The following RORA variants were observed in gnomAD, a reference collection of about 807,000 sequenced individuals.
RORA encodes the protein nuclear receptor ROR-alpha.
Under a neutral mutation model 69.5 loss-of-function variants are expected in RORA, and 7 were observed. That is an observed-to-expected ratio of 0.10 (90% confidence interval 0.06 to 0.19). The LOEUF (loss-of-function observed/expected upper bound fraction) is 0.19. RORA is among the 10% of genes least tolerant of loss of function. The pLI is 1.00. For missense variants in RORA, 457 were observed against 663.0 expected (o/e 0.69, Z 3.41); for synonymous variants, 261 against 240.8 (o/e 1.08, Z -0.78).
At chr15:60,818,955 T>C (rs560106619) in intron 1 of RORA, among the ~76,000 whole-genome samples, 5 of 152,324 alleles carry the variant, frequency 3.3e-5, no homozygotes, top group Middle Eastern at 3.4e-3. Context: ...AAGAGGCATG[T>C]TGAAGAACAA....
intron 1 of RORA, among the ~76,000 whole-genome samples, chr15:60,994,657 G>A (rs1434907613): frequency 2.0e-5 from 3 of 152,172 alleles, no homozygotes; most frequent in East Asian, 1.9e-4. Context: ...CAGGAATAGC[G>A]GAATGCAAAA....
chr15:61,128,592 T>C lies in RORA; in HGVS notation c.166+100461A>G, dbSNP rs1454981238. ...GAAATCCTGGGGTGTGCAATCGATG[T>C]TGTCACATATATTCCCATGGTTTTT... is the stretch of plus-strand genomic sequence containing the variant. On this transcript the variant is annotated intron_variant, in intron 1 of 10. Transcript: ENST00000335670. The surrounding 1 kb of genome is among the most constrained non-coding windows in gnomAD (Gnocchi z 4.5). Among the ~76,000 whole-genome samples the C allele has an allele frequency of 6.6e-6, 1 of 152,226 alleles. No homozygotes were observed. The highest frequency in any genetic ancestry group is 1.5e-5 in the Non-Finnish European group (1 of 68,042).
At position 61,151,620 on chromosome 15, in the gene RORA, T is replaced by C. The variant is rs187701767; in HGVS notation, c.166+77433A>G. Among the ~76,000 whole-genome samples the C allele has an allele frequency of 5.7e-4, 87 of 152,338 alleles. No individual in the cohort carries two copies. In the East Asian group the frequency reaches 0.013, roughly 23 times the overall value. The stretch of plus-strand genomic sequence containing the variant: ...ATGTTAAATCCCACAGGATAAGAAC[T>C]GCACACCTCTGATTTTGCTACTATT... On this transcript the variant is annotated intron_variant, in intron 1 of 10. Transcript: ENST00000335670.
intron 1 of RORA, among the ~76,000 whole-genome samples, chr15:60,777,225 T>C (rs1479927190): frequency 1.3e-5 from 2 of 152,156 alleles, no homozygotes; most frequent in African/African-American, 4.8e-5. Context: ...ATATTCCAAT[T>C]AGTTAAGTGA....
intron 1 of RORA, among the ~76,000 whole-genome samples, chr15:61,098,857 C>T (rs1449189411): frequency 1.3e-5 from 2 of 152,140 alleles, no homozygotes; most frequent in Non-Finnish European, 2.9e-5. Flanking sequence ...TAGGAGCAAT[C>T]GTTATTTTAA....
chr15:61,154,521 C>T (rs1346281356), intron 1 of RORA, among the ~76,000 whole-genome samples: 1 of 152,182 alleles, frequency 6.6e-6, no homozygotes, highest in Non-Finnish European at 1.5e-5. Flanking sequence ...AAGTGATTCT[C>T]AGTCACAGAC....
intron 2 of RORA, among the ~76,000 whole-genome samples, chr15:60,532,888 A>C (rs1433791021): frequency 6.6e-6 from 1 of 152,176 alleles, no homozygotes; most frequent in Non-Finnish European, 1.5e-5. Flanking sequence ...CACAAACACA[A>C]CTGCAAGTGC....
chr15:60,663,006 G>A (rs956738218), intron 2 of RORA, among the ~76,000 whole-genome samples: 6 of 152,306 alleles, frequency 3.9e-5, no homozygotes, highest in African/African-American at 1.2e-4. Flanking sequence ...ATGGCTGCCT[G>A]ATGCAGAGTA....
intron 1 of RORA, among the ~76,000 whole-genome samples, chr15:60,969,563 T>C (rs765677688): frequency 1.3e-5 from 2 of 152,236 alleles, no homozygotes; most frequent in Non-Finnish European, 2.9e-5. Context: ...TCAGTGTGGC[T>C]GGTGGACAGG....
Position 61,213,655 on chromosome 15 carries a change from T to C in RORA, c.166+15398A>G, listed in dbSNP as rs2080012844. 1 of 152,212 alleles carries C rather than the reference T, an allele frequency of 6.6e-6. No individual in the cohort carries two copies. Among genetic ancestry groups the C allele is most frequent in the Non-Finnish European group, 1.5e-5 (1 of 68,048 alleles). The allele number at this position is 152,212 out of a possible 1,614,324, so 9.4% of individuals were successfully genotyped here. Reference sequence around the variant, plus strand: ...GGCAGGCATAACCACCTCAGTGAGCTTTCCCTAACTCCTCTCGGGGCATTT... The same window carrying C: ...GGCAGGCATAACCACCTCAGTGAGCCTTCCCTAACTCCTCTCGGGGCATTT... On this transcript the variant is annotated intron_variant, in intron 1 of 10. Coordinates refer to ENST00000335670, the MANE Select transcript of RORA (RefSeq NM_134261.3). This position sits in a 1 kb window ranked among gnomAD's most constrained non-coding sequence, Gnocchi z 4.1.
At chr15:60,711,354 T>C (rs975216735) in intron 1 of RORA, among the ~76,000 whole-genome samples, 1 of 152,188 alleles carries the variant, frequency 6.6e-6, no homozygotes, top group Non-Finnish European at 1.5e-5. Context: ...GCTGCCAGCA[T>C]AGAACAGGTA....
chr15:61,133,719 G>T (rs2079212525), intron 1 of RORA, among the ~76,000 whole-genome samples: 1 of 152,132 alleles, frequency 6.6e-6, no homozygotes, highest in South Asian at 2.1e-4. Context: ...AGATAAACCA[G>T]TCCTTTCTTG....
chr15:61,078,931 C>T (rs1043736754), intron 1 of RORA, among the ~76,000 whole-genome samples: 2 of 152,194 alleles, frequency 1.3e-5, no homozygotes, highest in African/African-American at 2.4e-5. Context: ...ACAAGGTCCA[C>T]TCTTTAATCC....
At chr15:60,538,585 G>C (rs1214623873) in intron 2 of RORA, among the ~76,000 whole-genome samples, 1 of 152,094 alleles carries the variant, frequency 6.6e-6, no homozygotes, top group Non-Finnish European at 1.5e-5. Flanking sequence ...TTAATCATTG[G>C]TTTCCAAGAT....
At chr15:60,883,399 A>G (rs1252174136) in intron 1 of RORA, among the ~76,000 whole-genome samples, 1 of 152,194 alleles carries the variant, frequency 6.6e-6, no homozygotes, top group Admixed American at 6.5e-5. Flanking sequence ...TACATAAATT[A>G]TATTAAAAAG....
chr15:60,887,773 C>G (rs11632299), intron 1 of RORA, among the ~76,000 whole-genome samples: 1 of 152,158 alleles, frequency 6.6e-6, no homozygotes, highest in East Asian at 1.9e-4. Context: ...CCTGCAAACA[C>G]TGAATCATGA....
intron 1 of RORA, among the ~76,000 whole-genome samples, chr15:60,827,513 A>G (rs1803592186): frequency 6.6e-6 from 1 of 152,266 alleles, no homozygotes; most frequent in South Asian, 2.1e-4. Flanking sequence ...TTTTATAACC[A>G]TAATGTAATT....
At chr15:60,669,346 TGTTTG>T (rs2070430125) in intron 2 of RORA, among the ~76,000 whole-genome samples, 2 of 145,548 alleles carry the variant, frequency 1.4e-5, no homozygotes, top group Non-Finnish European at 3.0e-5. Flanking sequence ...TTTTTTTGTT[TGTTTG>T]TTTGTTTGTT....
intron 1 of RORA, among the ~76,000 whole-genome samples, chr15:60,807,731 T>A (rs577986459): frequency 6.6e-6 from 1 of 152,156 alleles, no homozygotes; most frequent in Non-Finnish European, 1.5e-5. Context: ...AATAGGCACA[T>A]AGACCAATGG....
Sources: gnomAD v4.1 joint callset for allele counts (sites outside exome capture counted in the v4.1 genomes callset) on GRCh38, gnomAD v4.1.1 for gene constraint, Gnocchi (gnomAD v3.1) non-coding constraint, MANE v1.5 for transcripts, NCBI Gene and HGNC (gene_info 2026-07-23, HGNC 2026-07-21) for gene names.